ABHD12B: variants seen among roughly 807,000 people sequenced by gnomAD.
The protein encoded by ABHD12B is protein ABHD12B.
Under a neutral mutation model 50.4 loss-of-function variants are expected in ABHD12B, and 42 were observed. The observed-to-expected ratio is 0.83, with a 90% confidence interval of 0.65 to 1.08. The LOEUF (loss-of-function observed/expected upper bound fraction) is 1.08. Ranked by LOEUF, ABHD12B falls within the 50% of genes least tolerant of loss-of-function variation. ABHD12B has a pLI of 0.00. For synonymous variants in ABHD12B, 167 were observed against 160.3 expected (o/e 1.04, Z -0.32); for missense variants, 479 against 447.7 (o/e 1.07, Z -0.63).
intron 5 of ABHD12B, among the ~76,000 whole-genome samples, chr14:50,883,050 T>G (rs937010931): frequency 1.3e-5 from 2 of 151,240 alleles, no homozygotes; most frequent in Non-Finnish European, 2.9e-5. Flanking sequence ...GTGGCCACAC[T>G]TGCTCTCCTC....
rs749469440 is a variant in ABHD12B, at chr14:50,872,219, C to A, written c.45C>A (p.Pro15=). 1.4e-6 allele frequency: 2 copies of A among 1,387,634 alleles called. No individual in the cohort carries two copies. 86.0% of individuals were successfully genotyped at this position (1,387,634 alleles called of 1,614,324 possible). A position where few individuals can be genotyped will look rare whatever the true frequency, so the allele number is the denominator to read the frequency against. Reference sequence around the variant, plus strand: ...AGGCGGCCGCATCGCCCGAGCCGCCCGGGCCCCCAGCCCGTAGCTGCGTGG... The same window carrying A: ...AGGCGGCCGCATCGCCCGAGCCGCCAGGGCCCCCAGCCCGTAGCTGCGTGG... The part of the protein sequence containing the change: ...DCQAAASPEP[P]GPPARSCVAA... The change falls in exon 1 of 13, where the codon CCC becomes CCA. Residue 15 remains proline (P), a synonymous_variant. Coordinates refer to ENST00000337334, the MANE Select transcript of ABHD12B (RefSeq NM_001206673.2).
intron 5 of ABHD12B, among the ~76,000 whole-genome samples, chr14:50,884,245 A>G (rs1425374534): frequency 1.3e-5 from 2 of 151,488 alleles, no homozygotes; most frequent in African/African-American, 2.5e-5. Flanking sequence ...GGTTTGTTGC[A>G]GTTGTGGTTC....
intron 4 of ABHD12B, among the ~76,000 whole-genome samples, chr14:50,881,129 G>A (rs1025210154): frequency 3.3e-5 from 5 of 152,172 alleles, no homozygotes; most frequent in South Asian, 2.1e-4. Context: ...AACAAAGAAC[G>A]TCTCCCAGGA....
rs997526039 is a variant in ABHD12B at position 50,900,756 on chromosome 14, G to A, written c.781-1073G>A. Reference sequence around the variant, plus strand: ...TGTTCCAGAAGCAGAAGGCAGCAGAGCCAGGAGGTGGACAGGAAGGTGCTT... The same window carrying A: ...TGTTCCAGAAGCAGAAGGCAGCAGAACCAGGAGGTGGACAGGAAGGTGCTT... On this transcript the variant is annotated intron_variant, in intron 9 of 12. Transcript: ENST00000337334. 2.0e-5 allele frequency among the ~76,000 whole-genome samples: 3 copies of A among 152,346 alleles called. No individual in the cohort carries two copies. The South Asian group carries it at 6.2e-4, about 32-fold the overall frequency.
chr14:50,888,210 T>TTC (rs2050067841), intron 8 of ABHD12B, among the ~76,000 whole-genome samples: 1 of 148,802 alleles, frequency 6.7e-6, no homozygotes, highest in Non-Finnish European at 1.5e-5. Flanking sequence ...CTTTCTTTCT[T>TTC]TTTTTTTTTT....
intron 11 of ABHD12B, among the ~76,000 whole-genome samples, chr14:50,903,843 G>A (rs1040596932): frequency 6.6e-6 from 1 of 152,134 alleles, no homozygotes; most frequent in Non-Finnish European, 1.5e-5. Flanking sequence ...CATTTTGCAG[G>A]GAGGTTCAAG....
chr14:50,904,366 A>G lies in ABHD12B; in HGVS notation c.1089A>G (p.Ter363TrpextTer18). ...ATTTCCTGAGCAAGCAGTGGTCATGAGTCTGGGAGGAGTGGAAATCTTCAA... is the reference window on the plus strand; with the variant it reads ...ATTTCCTGAGCAAGCAGTGGTCATGGGTCTGGGAGGAGTGGAAATCTTCAA... The part of the protein sequence containing the change: ...VRDFLSKQWS[*>W] Residue 363 changes from the stop codon to tryptophan (W), a stop_lost, in exon 13 of 13, where the codon TGA becomes TGG. Transcript: ENST00000337334. The G allele has an allele frequency of 1.2e-6, 2 of 1,613,888 alleles. No homozygotes were observed. The highest frequency in any genetic ancestry group is 8.5e-7 in the Non-Finnish European group (1 of 1,179,860).
chr14:50,903,921 G>C (rs2050296977), intron 11 of ABHD12B, 153 bp from the exon 12 acceptor site: 1 of 650,796 alleles, frequency 1.5e-6, no homozygotes, highest in Non-Finnish European at 2.7e-6. Context: ...TAGCTGTAGA[G>C]ACAGGCAACT....
intron 9 of ABHD12B, 131 bp downstream of exon 9, chr14:50,889,034 C>A: frequency 1.5e-6 from 1 of 666,094 alleles, no homozygotes; most frequent in Non-Finnish European, 2.3e-6. Flanking sequence ...TTAAGTTATT[C>A]TAATCTGAGA....
chr14:50,888,694 A>G, intron 8 of ABHD12B, 130 bp from the exon 9 acceptor site: 2 of 738,872 alleles, frequency 2.7e-6, no homozygotes, highest in Non-Finnish European at 2.2e-6. Context: ...AATTTGCATT[A>G]TTAATAACCT....
chr14:50,872,111 C>T lies in ABHD12B; in HGVS notation c.-64C>T, dbSNP rs921055420. Reference sequence around the variant, plus strand: ...CGCGGTGCCGCCGGGGCGGGAAGGTCGCGGGCGGCTGCTCCGGACTGCAGC... The same window carrying T: ...CGCGGTGCCGCCGGGGCGGGAAGGTTGCGGGCGGCTGCTCCGGACTGCAGC... On this transcript the variant is annotated 5_prime_UTR_variant, in exon 1 of 13. Coordinates refer to ENST00000337334, the MANE Select transcript of ABHD12B (RefSeq NM_001206673.2). 1.5e-5 allele frequency: 17 copies of T among 1,159,436 alleles called. No homozygotes were observed. The African/African-American group carries it at 2.7e-4, about 19-fold the overall frequency. The allele number at this position is 1,159,436 out of a possible 1,614,324, so 71.8% of individuals were successfully genotyped here.
At chr14:50,903,270 GGAAA>G in intron 10 of ABHD12B, 115 bp from the exon 11 acceptor site, 1 of 707,404 alleles carries the variant, frequency 1.4e-6, no homozygotes, top group Non-Finnish European at 2.3e-6. Context: ...TTGGAAGGAA[GGAAA>G]GAAATTTCTT....
chr14:50,894,823 C>T (rs1168070721), intron 9 of ABHD12B, among the ~76,000 whole-genome samples: 1 of 148,564 alleles, frequency 6.7e-6, no homozygotes, highest in Admixed American at 6.6e-5. Flanking sequence ...TCTAATCTTC[C>T]TTTTCTACAG....
rs2049791317 is a variant in ABHD12B at position 50,872,075 on chromosome 14, A to G, written c.-100A>G. The G allele has an allele frequency of 1.1e-6, 1 of 874,988 alleles. No homozygotes were observed. The highest frequency in any genetic ancestry group is 4.0e-5 in the East Asian group (1 of 25,176). 54.2% of individuals were successfully genotyped at this position (874,988 alleles called of 1,614,324 possible). On this transcript the variant is annotated 5_prime_UTR_variant, in exon 1 of 13. Transcript: ENST00000337334. ...ACCAGCCTGCCTGACCGCGCGGAGGAGGAGGGCGGGCGCGGTGCCGCCGGG... is the reference window on the plus strand; with the variant it reads ...ACCAGCCTGCCTGACCGCGCGGAGGGGGAGGGCGGGCGCGGTGCCGCCGGG...
At position 50,872,098 on chromosome 14, in the gene ABHD12B, G is replaced by T; in HGVS notation, c.-77G>T. The T allele has an allele frequency of 9.1e-7, 1 of 1,103,096 alleles. No individual in the cohort carries two copies. The highest frequency in any genetic ancestry group is 1.1e-6 in the Non-Finnish European group (1 of 880,566). 68.3% of individuals were successfully genotyped at this position (1,103,096 alleles called of 1,614,324 possible). The stretch of plus-strand genomic sequence containing the variant: ...GGAGGAGGGCGGGCGCGGTGCCGCC[G>T]GGGCGGGAAGGTCGCGGGCGGCTGC... On this transcript the variant is annotated 5_prime_UTR_variant, in exon 1 of 13. Transcript: ENST00000337334.
chr14:50,873,206 T>TTCTC (rs555850214), intron 1 of ABHD12B, among the ~76,000 whole-genome samples: 6 of 151,230 alleles, frequency 4.0e-5, no homozygotes, highest in East Asian at 2.0e-4. Flanking sequence ...CGGGGATCTT[T>TTCTC]TCTCTCTCTC....
rs371283851 is a variant in ABHD12B at position 50,894,632 on chromosome 14, T to C, written c.780+5729T>C. On this transcript the variant is annotated intron_variant, in intron 9 of 12. Transcript: ENST00000337334. The stretch of plus-strand genomic sequence containing the variant: ...AATGGCACTTTGAATTTTTCCATCC[T>C]GCAAGATCTAAATAATTCTTGTTGT... Among the ~76,000 whole-genome samples, 9 of 152,210 alleles carry C rather than the reference T, an allele frequency of 5.9e-5. No homozygotes were observed. In the East Asian group the frequency reaches 1.7e-3, roughly 29 times the overall value.
chr14:50,894,089 G>A (rs1271156055), intron 9 of ABHD12B, among the ~76,000 whole-genome samples: 1 of 151,064 alleles, frequency 6.6e-6, no homozygotes, highest in Non-Finnish European at 1.5e-5. Context: ...TCTGGGGAAG[G>A]GGCAAGTACC....
chr14:50,884,651 A>C (rs2050008116), intron 5 of ABHD12B, among the ~76,000 whole-genome samples: 1 of 151,956 alleles, frequency 6.6e-6, no homozygotes, highest in Admixed American at 6.6e-5. Context: ...CTGCACAGTA[A>C]AATTTTGTCC....
Sources: gnomAD v4.1 joint callset for allele counts (sites outside exome capture counted in the v4.1 genomes callset) on GRCh38, gnomAD v4.1.1 for gene constraint, MANE v1.5 for transcripts, NCBI Gene and HGNC (gene_info 2026-07-23, HGNC 2026-07-21) for gene names.